The following ATP6V0A1 variants were observed in gnomAD, a reference collection of about 807,000 sequenced individuals.
ATP6V0A1 encodes V-type proton ATPase 116 kDa subunit a 1.
A neutral mutation model predicts 105.4 loss-of-function variants in ATP6V0A1; 43 were observed. That is an observed-to-expected ratio of 0.41 (90% CI 0.32 to 0.53). The LOEUF (loss-of-function observed/expected upper bound fraction) is 0.53. Among genes scored for constraint, ATP6V0A1 ranks in the 20% least tolerant of loss-of-function variants. ATP6V0A1 has a pLI of 0.30. For missense variants in ATP6V0A1, 676 were observed against 1,051.1 expected (o/e 0.64, Z 4.93); for synonymous variants, 362 against 372.8 (o/e 0.97, Z 0.33).
At chr17:42,482,089 G>A (rs1290748451) in intron 8 of ATP6V0A1, among the ~76,000 whole-genome samples, 1 of 152,026 alleles carries the variant, frequency 6.6e-6, no homozygotes, top group Admixed American at 6.5e-5. Flanking sequence ...CAATCTGCCC[G>A]CCTCAGCTCT....
At position 42,507,500 on chromosome 17, in the gene ATP6V0A1, C is replaced by G; in HGVS notation, c.2005-20C>G. The G allele has an allele frequency of 1.9e-6, 3 of 1,572,862 alleles. No individual in the cohort carries two copies. The highest frequency in any genetic ancestry group is 2.3e-5 in the East Asian group (1 of 44,264). On this transcript the variant is annotated intron_variant, in intron 17 of 21. Transcript: ENST00000343619. ...TGTTAAAGCCCAGGCAAATTCTACT[C>G]TTTCTGTTCATCTGTGTAGGGAACT...
chr17:42,519,438 ACT>A (rs1373044712), intron 21 of ATP6V0A1: 2 of 152,084 alleles, frequency 1.3e-5, no homozygotes, highest in African/African-American at 4.8e-5. Context: ...TGACTTGTCC[ACT>A]CTCTGGCTAT....
chr17:42,504,277 T>A (rs1036182402), intron 17 of ATP6V0A1, among the ~76,000 whole-genome samples: 13 of 152,194 alleles, frequency 8.5e-5, no homozygotes, highest in Admixed American at 7.2e-4. Flanking sequence ...ATATCACAGT[T>A]TAATTTTTCT....
intron 17 of ATP6V0A1, among the ~76,000 whole-genome samples, chr17:42,504,986 C>T (rs1401749687): frequency 3.3e-5 from 5 of 150,886 alleles, no homozygotes; most frequent in East Asian, 1.9e-4. Flanking sequence ...CGATCTATTA[C>T]GTTTTTTAAA....
At chr17:42,492,930 A>AT (rs1021358895) in intron 11 of ATP6V0A1, among the ~76,000 whole-genome samples, 1 of 152,018 alleles carries the variant, frequency 6.6e-6, no homozygotes, top group African/African-American at 2.4e-5. Context: ...AGACAGGAGA[A>AT]TTGCTTGAAC....
At chr17:42,511,922 C>T (rs2092363511) in intron 19 of ATP6V0A1, among the ~76,000 whole-genome samples, 1 of 152,032 alleles carries the variant, frequency 6.6e-6, no homozygotes, top group Non-Finnish European at 1.5e-5. Flanking sequence ...GAGATCGCAC[C>T]ACTGCACTCT....
chr17:42,519,993 T>C (rs528596339), intron 21 of ATP6V0A1: 9 of 164,084 alleles, frequency 5.5e-5, no homozygotes, highest in Admixed American at 1.8e-4. Flanking sequence ...TCCTGCCTTC[T>C]TGGCTTGGAG....
intron 8 of ATP6V0A1, among the ~76,000 whole-genome samples, chr17:42,481,805 G>A (rs765767483): frequency 6.6e-6 from 1 of 152,164 alleles, no homozygotes; most frequent in Non-Finnish European, 1.5e-5. Context: ...ACTTAGCATA[G>A]ATGCTATGTC....
chr17:42,496,598 T>G (rs2091206157), intron 14 of ATP6V0A1: 1 of 151,504 alleles, frequency 6.6e-6, no homozygotes, highest in Non-Finnish European at 1.5e-5. Flanking sequence ...CCCAGCACTT[T>G]GGGACACAGA....
In ATP6V0A1 at chr17:42,495,613, C is replaced by T; in HGVS notation, c.1470-13C>T. 6.3e-7 allele frequency: 1 copy of T among 1,594,238 alleles called. No individual in the cohort carries two copies. Among genetic ancestry groups the T allele is most frequent in the South Asian group, 1.1e-5 (1 of 90,314 alleles). On this transcript the variant is annotated splice_polypyrimidine_tract_variant and intron_variant, in intron 13 of 21. Transcript: ENST00000343619. The stretch of plus-strand genomic sequence containing the variant: ...TGTTCAAAAATAATGTGACTTTTTC[C>T]CTGTCATGGTAGTGAAGAGACGCTT...
At position 42,468,999 on chromosome 17, in the gene ATP6V0A1, A is replaced by G. The variant is rs1208327648; in HGVS notation, c.294+892A>G. ...TAGCTGAGACGATAGCTGTGTGCCAACATGCCTGGCTAATTTTTTTGTATT... is the reference window on the plus strand; with the variant it reads ...TAGCTGAGACGATAGCTGTGTGCCAGCATGCCTGGCTAATTTTTTTGTATT... On this transcript the variant is annotated intron_variant, in intron 4 of 21. Transcript: ENST00000343619. 3.3e-5 allele frequency among the ~76,000 whole-genome samples: 5 copies of G among 151,912 alleles called. No individual in the cohort carries two copies. The East Asian group carries it at 9.7e-4, about 29-fold the overall frequency.
chr17:42,495,541 T>C, intron 13 of ATP6V0A1, 85 bp from the exon 14 acceptor site: 2 of 1,023,094 alleles, frequency 2.0e-6, no homozygotes, highest in South Asian at 2.7e-5. Flanking sequence ...ATAGCTACAG[T>C]AATTTATTTT....
intron 8 of ATP6V0A1, 66 bp downstream of exon 8, chr17:42,480,815 C>T: frequency 7.0e-7 from 1 of 1,435,608 alleles, no homozygotes. Context: ...TCTTAAAGTT[C>T]ACAATAGTGA....
chr17:42,463,057 G>A (rs1165887736), intron 2 of ATP6V0A1, among the ~76,000 whole-genome samples: 1 of 141,536 alleles, frequency 7.1e-6, no homozygotes, highest in East Asian at 2.1e-4. Flanking sequence ...CCAGGCTGGA[G>A]TGTAGTGGTG....
intron 5 of ATP6V0A1, among the ~76,000 whole-genome samples, chr17:42,473,432 G>A (rs1182365630): frequency 6.6e-6 from 1 of 152,304 alleles, no homozygotes; most frequent in South Asian, 2.1e-4. Flanking sequence ...TTTAAGGAAT[G>A]TATCATTCAG....
At chr17:42,469,960 T>A in intron 4 of ATP6V0A1, 130 bp from the exon 5 acceptor site, 2 of 954,650 alleles carry the variant, frequency 2.1e-6, no homozygotes, top group African/African-American at 3.3e-5. Flanking sequence ...AAAATCACAG[T>A]ATTTGCTAGG....
Position 42,514,463 on chromosome 17 carries a change from G to A in ATP6V0A1, c.2420+3G>A, listed in dbSNP as rs750380797. ...CTCCACGCACTGCGCTTACACTGGT[G>A]AGGGGCAGTGGGGCAGGGCGGGCAT... On this transcript the variant is annotated splice_donor_region_variant and intron_variant, in intron 21 of 21. Coordinates refer to ENST00000343619, the MANE Select transcript of ATP6V0A1 (RefSeq NM_001130021.3). The A allele has an allele frequency of 6.3e-7, 1 of 1,586,180 alleles. No individual in the cohort carries two copies. The highest frequency in any genetic ancestry group is 1.8e-5 in the Admixed American group (1 of 55,992).
Position 42,460,837 on chromosome 17 carries a change from C to G in ATP6V0A1, c.-47-11C>G. 1 of 1,397,832 alleles carries G rather than the reference C, an allele frequency of 7.2e-7. No individual in the cohort carries two copies. Among genetic ancestry groups the G allele is most frequent in the Non-Finnish European group, 1.0e-6 (1 of 986,454 alleles). The allele number at this position is 1,397,832 out of a possible 1,614,324, so 86.6% of individuals were successfully genotyped here. A position where few individuals can be genotyped will look rare whatever the true frequency, so the allele number is the denominator to read the frequency against. On this transcript the variant is annotated splice_polypyrimidine_tract_variant and intron_variant, in intron 1 of 21. Coordinates refer to ENST00000343619, the MANE Select transcript of ATP6V0A1 (RefSeq NM_001130021.3). ...AATTTCCAAAGTTATGTCATTTTCTCTTTGCTTCAGGTTGGAGAGAAATCC... is the reference window on the plus strand; with the variant it reads ...AATTTCCAAAGTTATGTCATTTTCTGTTTGCTTCAGGTTGGAGAGAAATCC...
chr17:42,516,510 C>T (rs1302472301), intron 21 of ATP6V0A1, among the ~76,000 whole-genome samples: 7 of 152,304 alleles, frequency 4.6e-5, no homozygotes, highest in African/African-American at 1.2e-4. Flanking sequence ...CCTCAGTGCA[C>T]GAGAACCTCT....
Sources: gnomAD v4.1 joint callset for allele counts (sites outside exome capture counted in the v4.1 genomes callset) on GRCh38, gnomAD v4.1.1 for gene constraint, MANE v1.5 for transcripts, NCBI Gene and HGNC (gene_info 2026-07-23, HGNC 2026-07-21) for gene names.